Variants in CNTNAP3 observed in about 807,000 individuals in gnomAD.
CNTNAP3 encodes the protein contactin associated protein family member 3, also known as contactin-associated protein-like 3.
Under a neutral mutation model 92.1 loss-of-function variants are expected in CNTNAP3, and 36 were observed. The observed-to-expected ratio is 0.39, with a 90% CI of 0.30 to 0.52. The LOEUF (loss-of-function observed/expected upper bound fraction) is 0.52. Ranked by LOEUF, CNTNAP3 falls within the 20% of genes least tolerant of loss-of-function variation. The pLI, the probability that CNTNAP3 is intolerant of heterozygous loss-of-function variation, is 0.76. For missense variants in CNTNAP3, 534 were observed against 1,069.6 expected (o/e 0.50, Z 6.98); for synonymous variants, 232 against 422.3 (o/e 0.55, Z 5.53).
intron 15 of CNTNAP3, among the ~76,000 whole-genome samples, chr9:39,108,529 A>G (rs1398451062): frequency 6.6e-6 from 1 of 152,244 alleles, no homozygotes; most frequent in Non-Finnish European, 1.5e-5. Flanking sequence ...CTCCACGGCA[A>G]TGTATGATGC....
intron 20 of CNTNAP3, chr9:39,086,509 T>C (rs905336424): frequency 2.9e-5 from 20 of 687,494 alleles, no homozygotes; most frequent in Admixed American, 1.4e-4. Flanking sequence ...CAGAATTGCA[T>C]TGCTAAACAA....
At chr9:39,100,932 C>T (rs557017947) in intron 17 of CNTNAP3, among the ~76,000 whole-genome samples, 3 of 150,524 alleles carry the variant, frequency 2.0e-5, no homozygotes, top group East Asian at 2.0e-4. Context: ...GATTCCAATT[C>T]GGTGGGCCTA....
rs568177523 is a variant in CNTNAP3, at chr9:39,078,990, C to T, written c.3443-70G>A. ...ATGGGGGCGCAGGCACACCCCGCAT[C>T]TGCAAGACAGCGACCCTCGTTCCTT... On this transcript the variant is annotated intron_variant, in intron 21 of 23. Transcript: ENST00000297668. 2.0e-4 allele frequency: 287 copies of T among 1,464,122 alleles called. 2 individuals are homozygous for T. In the African/African-American group the frequency reaches 3.7e-3, roughly 19 times the overall value. The allele number at this position is 1,464,122 out of a possible 1,614,324, so 90.7% of individuals were successfully genotyped here.
rs200032095 is a variant in CNTNAP3 at position 39,118,148 on chromosome 9, A to G, written c.2192T>C (p.Ile731Thr). 2.7e-4 allele frequency: 441 copies of G among 1,611,098 alleles called. 1 individual carries two copies. The highest frequency in any genetic ancestry group is 4.4e-4 in the Middle Eastern group (2 of 4,538). Residue 731 changes from isoleucine (I) to threonine (T), a missense_variant, in exon 14 of 24, where the codon ATT (isoleucine) becomes ACT (threonine). Transcript: ENST00000297668. ...KCTCGLEGNCIDSQYYCNCDA... is the reference protein window; with the variant it reads ...KCTCGLEGNCTDSQYYCNCDA... The stretch of plus-strand genomic sequence containing the variant: ...ACAGTTGCAGTAATACTGAGAATCA[A>G]TGCAGTTCCCCTCTAATCCACAAGT...
intron 4 of CNTNAP3, among the ~76,000 whole-genome samples, chr9:39,179,273 C>CTG (rs1563900254): frequency 7.4e-4 from 58 of 78,096 alleles, no homozygotes; most frequent in African/African-American, 3.5e-3. Context: ...TTCCTTAAAA[C>CTG]TCTCTCTCTC....
Position 39,103,762 on chromosome 9 carries a change from T to G in CNTNAP3, c.2518A>C (p.Ile840Leu). ...FMENLGITDFIRIELRAPTEV... is the reference protein window; with the variant it reads ...FMENLGITDFLRIELRAPTEV... ...AGCTTACCACGCAGCTCAATCCTGA[T>G]GAAATCTGTGATCCCCAGGTTCTCC... is the stretch of plus-strand genomic sequence containing the variant. The change falls in exon 16 of 24, where the codon ATC becomes CTC. Residue 840 changes from isoleucine to leucine, a missense_variant. Physicochemically the swap from Ile to Leu is conservative, Grantham distance 5. Transcript: ENST00000297668. The G allele has an allele frequency of 6.2e-7, 1 of 1,611,030 alleles. No individual in the cohort carries two copies. Among genetic ancestry groups the G allele is most frequent in the Non-Finnish European group, 8.5e-7 (1 of 1,179,796 alleles).
chr9:39,085,929 A>C, intron 20 of CNTNAP3, 106 bp from the exon 21 acceptor site: 1 of 1,091,664 alleles, frequency 9.2e-7, no homozygotes, highest in Non-Finnish European at 1.4e-6. Context: ...ATCACTTTTA[A>C]GTACCATTAC....
At chr9:39,095,340 A>T (rs544083776) in intron 18 of CNTNAP3, among the ~76,000 whole-genome samples, 2 of 151,768 alleles carry the variant, frequency 1.3e-5, no homozygotes, top group African/African-American at 4.8e-5. Flanking sequence ...TAATGACTTT[A>T]GCTGGAACTT....
chr9:39,124,722 G>T (rs7874962), intron 13 of CNTNAP3, among the ~76,000 whole-genome samples: 8,490 of 152,076 alleles, frequency 0.056, 245 homozygotes, highest in African/African-American at 0.073. Flanking sequence ...CTTCTCAAAA[G>T]AAGACATTTA....
Position 39,068,243 on chromosome 9 carries a change from C to CAAAAAAAAAAAAAAAAAAA in CNTNAP3, c.*5628_*5646dup, listed in dbSNP as rs1198106886. 2.0e-4 allele frequency among the ~76,000 whole-genome samples: 26 copies of CAAAAAAAAAAAAAAAAAAA among 129,314 alleles called. No homozygotes were observed. The highest frequency in any genetic ancestry group is 3.2e-4 in the African/African-American group (11 of 34,674). The allele number at this position is 129,314 out of a possible 152,430, so 84.8% of individuals were successfully genotyped here. ...TGAAACCTTGCCTCCACTAAAAATACAAAAAAAAAAAAAAAAAAAAAAATT... is the reference window on the plus strand; with the variant it reads ...TGAAACCTTGCCTCCACTAAAAATACAAAAAAAAAAAAAAAAAAAAAAAAAAAAAAAAAAAAAAAAAATT... On this transcript the variant is annotated 3_prime_UTR_variant, in exon 24 of 24. Transcript: ENST00000297668.
chr9:39,118,995 T>C (rs963069773), intron 13 of CNTNAP3, among the ~76,000 whole-genome samples: 9 of 151,982 alleles, frequency 5.9e-5, no homozygotes, highest in Non-Finnish European at 1.5e-5. Context: ...TGCCAGGGGT[T>C]GGGAGTGAAG....
chr9:39,084,807 TTATCTC>T (rs1166197409), intron 21 of CNTNAP3, among the ~76,000 whole-genome samples: 6 of 152,004 alleles, frequency 3.9e-5, no homozygotes, highest in African/African-American at 1.2e-4. Flanking sequence ...TGTTTGATGA[TTATCTC>T]TACCTCCAAG....
At chr9:39,098,170 G>A (rs1380426646) in intron 18 of CNTNAP3, among the ~76,000 whole-genome samples, 2 of 145,848 alleles carry the variant, frequency 1.4e-5, no homozygotes, top group African/African-American at 2.5e-5. Context: ...ATCCAAAGTG[G>A]TATCTACAGT....
At position 39,133,013 on chromosome 9, in the gene CNTNAP3, G is replaced by T; in HGVS notation, c.1999C>A (p.Arg667=). The change falls in exon 13 of 24, where the codon CGG becomes AGG. Residue 667 remains arginine (R), a synonymous_variant. Coordinates refer to ENST00000297668, the MANE Select transcript of CNTNAP3 (RefSeq NM_033655.5). ...CGCTCCGCCAGGTTCACCGCGGACC[G>T]CAGCTGCCCCGCGCCCGCTGCGTAC... is the stretch of plus-strand genomic sequence containing the variant. ...FAYAAGAGQL[R]SAVNLAERCE... The T allele has an allele frequency of 5.2e-6, 8 of 1,539,320 alleles. No homozygotes were observed. Among genetic ancestry groups the T allele is most frequent in the Non-Finnish European group, 7.0e-6 (8 of 1,150,162 alleles).
intron 15 of CNTNAP3, among the ~76,000 whole-genome samples, chr9:39,108,622 T>C (rs1310329882): frequency 1.3e-5 from 2 of 152,182 alleles, no homozygotes; most frequent in African/African-American, 4.8e-5. Context: ...TGCTACGCAG[T>C]AGGTAGATCC....
chr9:39,067,118 G>A lies in CNTNAP3; in HGVS notation c.*6772C>T, dbSNP rs1825525199. On this transcript the variant is annotated 3_prime_UTR_variant, in exon 24 of 24. Transcript: ENST00000297668. Reference sequence around the variant, plus strand: ...TTCAAGTTTATTAATATTTTCTTCTGAAAACTCTCATCTGCCATTAATTAC... The same window carrying A: ...TTCAAGTTTATTAATATTTTCTTCTAAAAACTCTCATCTGCCATTAATTAC... 6.6e-6 allele frequency among the ~76,000 whole-genome samples: 1 copy of A among 152,374 alleles called. No homozygotes were observed. The highest frequency in any genetic ancestry group is 2.4e-5 in the African/African-American group (1 of 41,586).
intron 12 of CNTNAP3, among the ~76,000 whole-genome samples, chr9:39,136,609 C>T (rs1241052547): frequency 6.6e-6 from 1 of 151,998 alleles, no homozygotes; most frequent in East Asian, 1.9e-4. Flanking sequence ...TAAGAATTTA[C>T]TTTTACCTGG....
intron 18 of CNTNAP3, among the ~76,000 whole-genome samples, chr9:39,093,000 A>AT (rs1313381799): frequency 1.4e-5 from 2 of 144,196 alleles, no homozygotes; most frequent in African/African-American, 5.1e-5. Flanking sequence ...TTTAGAGTTT[A>AT]TTTTTTTCTG....
intron 13 of CNTNAP3, among the ~76,000 whole-genome samples, chr9:39,125,190 G>T (rs1821127286): frequency 6.6e-6 from 1 of 152,060 alleles, no homozygotes; most frequent in Admixed American, 6.6e-5. Context: ...GAAAAAGGAT[G>T]AGTTCATGTC....
Sources: gnomAD v4.1 joint callset for allele counts (sites outside exome capture counted in the v4.1 genomes callset) on GRCh38, gnomAD v4.1.1 for gene constraint, MANE v1.5 for transcripts, NCBI Gene and HGNC (gene_info 2026-07-23, HGNC 2026-07-21) for gene names.